Variants in MAP2 observed in about 807,000 individuals in gnomAD.
MAP2 encodes microtubule associated protein 2, also known as microtubule-associated protein 2.
MAP2 carries 14 observed loss-of-function variants against 137.6 expected under a neutral mutation model. That is an observed-to-expected ratio of 0.10 (90% confidence interval 0.07 to 0.16). MAP2 has a LOEUF of 0.16. Ranked by LOEUF, MAP2 falls within the 10% of genes least tolerant of loss-of-function variation. The pLI is 1.00. For missense variants in MAP2, 2,088 were observed against 2,191.5 expected (o/e 0.95, Z 0.94); for synonymous variants, 786 against 782.3 (o/e 1.00, Z -0.08).
Position 209,707,572 on chromosome 2 carries a change from A to G in MAP2, c.4732+1845A>G, listed in dbSNP as rs2063843685. Among the ~76,000 whole-genome samples the G allele has an allele frequency of 2.0e-5, 3 of 150,010 alleles. No individual in the cohort carries two copies. In the South Asian group the frequency reaches 6.4e-4, roughly 32 times the overall value. ...AATCCATTGTCATTGAGGAGTTGACAAGATAAATAAAAGCACAGTTTAATC... is the reference window on the plus strand; with the variant it reads ...AATCCATTGTCATTGAGGAGTTGACGAGATAAATAAAAGCACAGTTTAATC... On this transcript the variant is annotated intron_variant, in intron 12 of 15. Coordinates refer to ENST00000682079, the MANE Select transcript of MAP2 (RefSeq NM_001375505.1).
At chr2:209,658,986 A>T (rs1456436231) in intron 5 of MAP2, among the ~76,000 whole-genome samples, 1 of 152,182 alleles carries the variant, frequency 6.6e-6, no homozygotes, top group Non-Finnish European at 1.5e-5. Context: ...TGCAATTTCC[A>T]TGAGGATATC....
chr2:209,721,234 T>C (rs1282359551), intron 13 of MAP2, among the ~76,000 whole-genome samples: 2 of 152,330 alleles, frequency 1.3e-5, no homozygotes, highest in East Asian at 3.9e-4. Flanking sequence ...GGTTTATGCT[T>C]CTTTCTACCC....
chr2:209,666,592 A>T (rs1224355888), intron 5 of MAP2, among the ~76,000 whole-genome samples: 1 of 152,092 alleles, frequency 6.6e-6, no homozygotes, highest in African/African-American at 2.4e-5. Context: ...TATGATCCTA[A>T]TACAACATCA....
chr2:209,646,476 A>G (rs1252560040), intron 4 of MAP2, among the ~76,000 whole-genome samples: 1 of 152,222 alleles, frequency 6.6e-6, no homozygotes, highest in Non-Finnish European at 1.5e-5. Context: ...ATAGAACATT[A>G]CAATCTTAGG....
intron 5 of MAP2, among the ~76,000 whole-genome samples, chr2:209,656,994 G>A (rs2041247972): frequency 6.6e-6 from 1 of 152,036 alleles, no homozygotes; most frequent in African/African-American, 2.4e-5. Flanking sequence ...TGTATTCATT[G>A]TTTAACTCAC....
intron 2 of MAP2, among the ~76,000 whole-genome samples, chr2:209,571,966 C>T (rs2074467433): frequency 6.6e-6 from 1 of 151,640 alleles, no homozygotes; most frequent in South Asian, 2.1e-4. Flanking sequence ...GAATTTATTA[C>T]TTTTAGAATT....
intron 1 of MAP2, among the ~76,000 whole-genome samples, chr2:209,488,595 G>T (rs1171607188): frequency 1.3e-5 from 2 of 152,124 alleles, no homozygotes; most frequent in Non-Finnish European, 2.9e-5. Context: ...GCTCGAGCTT[G>T]GTGGGGGGAG....
intron 2 of MAP2, among the ~76,000 whole-genome samples, chr2:209,510,604 T>A (rs2061610560): frequency 6.6e-6 from 1 of 152,008 alleles, no homozygotes; most frequent in Non-Finnish European, 1.5e-5. Flanking sequence ...CATGCCAATG[T>A]TGGAATTAGG....
At chr2:209,689,573 C>T (rs1208398128) in intron 7 of MAP2, among the ~76,000 whole-genome samples, 1 of 152,112 alleles carries the variant, frequency 6.6e-6, no homozygotes, top group East Asian at 1.9e-4. Flanking sequence ...TGCAATAACT[C>T]ATGAACTTGA....
intron 3 of MAP2, among the ~76,000 whole-genome samples, chr2:209,619,027 G>C (rs946670689): frequency 1.1e-4 from 17 of 152,144 alleles, no homozygotes; most frequent in African/African-American, 4.1e-4. Flanking sequence ...GACTCAGAAA[G>C]ACATATTCCT....
intron 3 of MAP2, among the ~76,000 whole-genome samples, chr2:209,611,230 T>C (rs1580514637): frequency 6.6e-6 from 1 of 152,214 alleles, no homozygotes; most frequent in Non-Finnish European, 1.5e-5. Flanking sequence ...AGGGATTATA[T>C]TGAGCACTTG....
intron 5 of MAP2, among the ~76,000 whole-genome samples, chr2:209,672,072 G>T (rs540381916): frequency 6.6e-6 from 1 of 152,026 alleles, no homozygotes; most frequent in East Asian, 1.9e-4. Context: ...TAAAATTTTT[G>T]TTGTGACAAG....
At chr2:209,494,114 C>A (rs1483354290) in intron 1 of MAP2, among the ~76,000 whole-genome samples, 1 of 152,016 alleles carries the variant, frequency 6.6e-6, no homozygotes, top group Non-Finnish European at 1.5e-5. Flanking sequence ...TAAAAAAGAA[C>A]GAGTTCATGT....
chr2:209,532,967 C>G, intron 2 of MAP2, among the ~76,000 whole-genome samples: 1 of 152,098 alleles, frequency 6.6e-6, no homozygotes, highest in East Asian at 1.9e-4. Flanking sequence ...CTGACAGAAG[C>G]ATTCTCCCTT....
chr2:209,712,751 A>G (rs1256266855), intron 13 of MAP2, among the ~76,000 whole-genome samples: 1 of 152,116 alleles, frequency 6.6e-6, no homozygotes, highest in Admixed American at 6.6e-5. Flanking sequence ...GGTTTTTTCC[A>G]TACTTGTAAA....
chr2:209,715,432 A>G (rs1254541859), intron 13 of MAP2, among the ~76,000 whole-genome samples: 1 of 152,160 alleles, frequency 6.6e-6, no homozygotes, highest in African/African-American at 2.4e-5. Context: ...ATACTGAAAT[A>G]TAACAACAAA....
At chr2:209,535,513 A>G (rs184681496) in intron 2 of MAP2, among the ~76,000 whole-genome samples, 2 of 151,172 alleles carry the variant, frequency 1.3e-5, no homozygotes, top group East Asian at 1.9e-4. Context: ...TTCAGCCATG[A>G]ATGCATGGTT....
At chr2:209,559,675 T>G (rs906354216) in intron 2 of MAP2, among the ~76,000 whole-genome samples, 7 of 151,870 alleles carry the variant, frequency 4.6e-5, no homozygotes, top group Non-Finnish European at 8.8e-5. Flanking sequence ...AAAAACCAAA[T>G]TTGGCCACTG....
intron 3 of MAP2, among the ~76,000 whole-genome samples, chr2:209,583,800 C>G (rs1279990250): frequency 6.8e-6 from 1 of 147,108 alleles, no homozygotes; most frequent in Non-Finnish European, 1.5e-5. Context: ...ATTTTAGATT[C>G]AGAGAGTACA....
Sources: gnomAD v4.1 joint callset for allele counts (sites outside exome capture counted in the v4.1 genomes callset) on GRCh38, gnomAD v4.1.1 for gene constraint, MANE v1.5 for transcripts, NCBI Gene and HGNC (gene_info 2026-07-23, HGNC 2026-07-21) for gene names.